NCAPG2: variants seen among roughly 807,000 people sequenced by gnomAD.
The protein encoded by NCAPG2 is condensin-2 complex subunit G2.
In NCAPG2, 53 loss-of-function variants were observed where a neutral mutation model predicts 141.1. That is an observed-to-expected ratio of 0.38 (90% confidence interval 0.30 to 0.47). NCAPG2 has a LOEUF of 0.47. NCAPG2 is among the 20% of genes least tolerant of loss of function. NCAPG2 has a pLI of 0.99. For synonymous variants in NCAPG2, 499 were observed against 490.7 expected (o/e 1.02, Z -0.22); for missense variants, 1,087 against 1,389.0 (o/e 0.78, Z 3.46).
intron 13 of NCAPG2, chr7:158,668,174 TCCCTCCGCCTTCCTTACCGACCCTGG>T (rs1833339042): frequency 5.9e-6 from 3 of 510,096 alleles, no homozygotes; most frequent in African/African-American, 2.5e-5. Flanking sequence ...CACTACTGGG[TCCCTCCGCCTTCCTTACCGACCCTGG>T]GTCCCTCCGC....
chr7:158,666,856 G>A (rs1284395954), intron 13 of NCAPG2, among the ~76,000 whole-genome samples: 2 of 152,146 alleles, frequency 1.3e-5, no homozygotes, highest in East Asian at 1.9e-4. Flanking sequence ...AGCAGCCCAG[G>A]CCTACCACAG....
chr7:158,672,984 C>T (rs1403470275), intron 12 of NCAPG2, among the ~76,000 whole-genome samples: 1 of 152,254 alleles, frequency 6.6e-6, no homozygotes, highest in Admixed American at 6.5e-5. Context: ...GGAGGCATCT[C>T]AGAGTGGCCC....
At chr7:158,676,538 TAA>T (rs201693417) in intron 11 of NCAPG2, among the ~76,000 whole-genome samples, 51,051 of 150,892 alleles carry the variant, frequency 0.34, 8,971 homozygotes, top group African/African-American at 0.42. Flanking sequence ...ATGGCATGAT[TAA>T]AAAAAAAATT....
At chr7:158,676,076 T>C (rs1834032942) in intron 11 of NCAPG2, among the ~76,000 whole-genome samples, 1 of 152,178 alleles carries the variant, frequency 6.6e-6, no homozygotes, top group South Asian at 2.1e-4. Flanking sequence ...TCGTCAGTGG[T>C]ACTAAAAATT....
chr7:158,640,261 G>A (rs994234088), intron 27 of NCAPG2: 2 of 152,172 alleles, frequency 1.3e-5, no homozygotes, highest in African/African-American at 2.4e-5. Context: ...AGTACAGAGA[G>A]TGGCCGGGCA....
At chr7:158,636,687 C>T (rs1288541066) in intron 27 of NCAPG2, among the ~76,000 whole-genome samples, 1 of 152,136 alleles carries the variant, frequency 6.6e-6, no homozygotes, top group Non-Finnish European at 1.5e-5. Flanking sequence ...CAGGCATAAG[C>T]CACTGTGCCC....
At chr7:158,668,546 GC>G in intron 13 of NCAPG2, 1 of 619,470 alleles carries the variant, frequency 1.6e-6, no homozygotes, top group Non-Finnish European at 2.0e-6. Flanking sequence ...AAATAGTCCG[GC>G]AGTGTGGCCT....
intron 5 of NCAPG2, 122 bp from the exon 6 acceptor site, chr7:158,690,075 TAAC>T: frequency 5.1e-6 from 5 of 987,450 alleles, no homozygotes; most frequent in Non-Finnish European, 5.4e-6. Context: ...GATTAAAAAA[TAAC>T]GACAAATAAA....
chr7:158,693,091 ATAAAAG>A (rs1434877394), intron 3 of NCAPG2, 135 bp from the exon 4 acceptor site: 14 of 804,650 alleles, frequency 1.7e-5, no homozygotes, highest in Non-Finnish European at 2.7e-5. Context: ...TTAAAGTTGA[ATAAAAG>A]TAAATCATCC....
chr7:158,686,347 T>A, intron 7 of NCAPG2, 106 bp from the exon 8 acceptor site: 1 of 603,608 alleles, frequency 1.7e-6, no homozygotes, highest in Non-Finnish European at 2.8e-6. Flanking sequence ...AAACTCAGTT[T>A]AAACTAGTGC....
chr7:158,634,889 T>A (rs1021466882), intron 27 of NCAPG2, among the ~76,000 whole-genome samples: 1 of 152,162 alleles, frequency 6.6e-6, no homozygotes, highest in African/African-American at 2.4e-5. Context: ...GAAGGGACAG[T>A]GACAAAAAGC....
intron 13 of NCAPG2, chr7:158,667,306 C>T (rs574692403): frequency 2.1e-6 from 1 of 474,532 alleles, no homozygotes; most frequent in Non-Finnish European, 2.5e-6. Flanking sequence ...CTCCTCCACC[C>T]TTAGCCGCTA....
chr7:158,667,174 G>C lies in NCAPG2; in HGVS notation c.1480-2424C>G, dbSNP rs898803892. The C allele has an allele frequency of 9.1e-6, 9 of 985,288 alleles. No homozygotes were observed. The African/African-American group carries it at 1.4e-4, about 15-fold the overall frequency. 61.0% of individuals were successfully genotyped at this position (985,288 alleles called of 1,614,324 possible). On this transcript the variant is annotated intron_variant, in intron 13 of 27. Transcript: ENST00000356309. ...TCACAACCAAATGGCTGTCTGCCTT[G>C]CACTTGCAAAGATAAGGACTGAAAC...
At chr7:158,667,053 G>A in intron 13 of NCAPG2, 1 of 871,716 alleles carries the variant, frequency 1.1e-6, no homozygotes, top group Non-Finnish European at 1.4e-6. Flanking sequence ...GCTGTCCTCT[G>A]GCCAGCCAGA....
At chr7:158,642,439 T>C (rs1830714871) in intron 27 of NCAPG2, among the ~76,000 whole-genome samples, 1 of 151,994 alleles carries the variant, frequency 6.6e-6, no homozygotes, top group South Asian at 2.1e-4. Flanking sequence ...TTGGGAGGCT[T>C]AGATGGGAGA....
rs892254624 is a variant in NCAPG2, at chr7:158,664,516, A to C, written c.1702+12T>G. 1.2e-6 allele frequency: 2 copies of C among 1,610,990 alleles called. No homozygotes were observed. Among genetic ancestry groups the C allele is most frequent in the African/African-American group, 2.7e-5 (2 of 74,878 alleles). ...AACATAACAAGAACTGAGAAATAACAGCACTCCCTACCTATGTTGGTGCAG... is the reference window on the plus strand; with the variant it reads ...AACATAACAAGAACTGAGAAATAACCGCACTCCCTACCTATGTTGGTGCAG... On this transcript the variant is annotated intron_variant, in intron 14 of 27. Transcript: ENST00000356309.
intron 26 of NCAPG2, among the ~76,000 whole-genome samples, chr7:158,644,948 G>A (rs1250001686): frequency 1.3e-5 from 2 of 152,124 alleles, no homozygotes; most frequent in African/African-American, 4.8e-5. Context: ...TAATTTCAAC[G>A]TTAGTAAAAC....
intron 12 of NCAPG2, among the ~76,000 whole-genome samples, chr7:158,675,256 T>TC (rs891192890): frequency 1.3e-5 from 2 of 152,110 alleles, no homozygotes; most frequent in African/African-American, 4.8e-5. Context: ...TGGGACCCCT[T>TC]CCCCCCTTAC....
intron 27 of NCAPG2, chr7:158,641,627 G>C (rs1165187618): frequency 8.4e-6 from 4 of 477,132 alleles, no homozygotes; most frequent in Non-Finnish European, 1.1e-5. Flanking sequence ...CAAAGCAGGA[G>C]TAGTAGTATT....
Sources: allele counts gnomAD v4.1 joint callset (sites outside exome capture counted in the v4.1 genomes callset), GRCh38; gene constraint gnomAD v4.1.1; transcripts MANE v1.5; gene names NCBI Gene and HGNC (gene_info 2026-07-23, HGNC 2026-07-21).